Variants in PDZRN4 observed in about 807,000 individuals in gnomAD.
PDZRN4 encodes PDZ domain containing ring finger 4.
A neutral mutation model predicts 99.0 loss-of-function variants in PDZRN4; 70 were observed. That is an observed-to-expected ratio of 0.71 (90% CI 0.58 to 0.86). PDZRN4 has a LOEUF of 0.86. Among genes scored for constraint, PDZRN4 ranks in the 40% least tolerant of loss-of-function variants. PDZRN4 has a pLI of 0.00. For missense variants in PDZRN4, 1,474 were observed against 1,331.2 expected (o/e 1.11, Z -1.67); for synonymous variants, 551 against 501.6 (o/e 1.10, Z -1.32).
chr12:41,394,828 A>G (rs1323757034), intron 3 of PDZRN4, among the ~76,000 whole-genome samples: 1 of 151,274 alleles, frequency 6.6e-6, no homozygotes, highest in Non-Finnish European at 1.5e-5. Context: ...GAGAGAGAGA[A>G]AGAGAGGGCG....
chr12:41,408,816 G>A (rs372381752), intron 3 of PDZRN4, among the ~76,000 whole-genome samples: 10 of 142,852 alleles, frequency 7.0e-5, no homozygotes, highest in African/African-American at 2.1e-4. Context: ...TCTCTCTTGC[G>A]CTCTCTCTCT....
intron 3 of PDZRN4, among the ~76,000 whole-genome samples, chr12:41,482,916 A>T (rs1182142775): frequency 6.6e-6 from 1 of 152,048 alleles, no homozygotes; most frequent in African/African-American, 2.4e-5. Context: ...CCCAGGATCA[A>T]CCCTCAGTGT....
Position 41,452,417 on chromosome 12 carries a change from C to T in PDZRN4, c.844-54039C>T, listed in dbSNP as rs1277514291. On this transcript the variant is annotated intron_variant, in intron 3 of 9. Coordinates refer to ENST00000402685, the MANE Select transcript of PDZRN4 (RefSeq NM_001164595.2). Reference sequence around the variant, plus strand: ...TTGCACCACTGCACTCCAGCCTGGGCGACAAAGTGAGCCTCCGTCTAAAAA... The same window carrying T: ...TTGCACCACTGCACTCCAGCCTGGGTGACAAAGTGAGCCTCCGTCTAAAAA... 2.1e-5 allele frequency among the ~76,000 whole-genome samples: 3 copies of T among 141,078 alleles called. No homozygotes were observed. In the Admixed American group the frequency reaches 2.2e-4, roughly 10 times the overall value. 92.6% of individuals were successfully genotyped at this position (141,078 alleles called of 152,430 possible).
intron 3 of PDZRN4, among the ~76,000 whole-genome samples, chr12:41,429,885 A>G (rs144596222): frequency 2.6e-5 from 4 of 152,146 alleles, no homozygotes; most frequent in African/African-American, 7.2e-5. Context: ...ACTGAGCTTT[A>G]CTAGACCACT....
At chr12:41,395,973 C>T (rs1037950877) in intron 3 of PDZRN4, among the ~76,000 whole-genome samples, 5 of 151,964 alleles carry the variant, frequency 3.3e-5, no homozygotes, top group African/African-American at 1.2e-4. Context: ...TCATCATGTA[C>T]CCCACAAAAA....
At chr12:41,542,844 C>T (rs1037435959) in intron 5 of PDZRN4, among the ~76,000 whole-genome samples, 2 of 151,778 alleles carry the variant, frequency 1.3e-5, no homozygotes, top group Non-Finnish European at 2.9e-5. Context: ...CTAATCAATA[C>T]TAAAGATAAA....
rs1950715165 is a variant in PDZRN4, at chr12:41,188,932, A to C, written c.477A>C (p.Gly159=). The change falls in exon 1 of 10, where the codon GGA becomes GGC. Residue 159 remains glycine, a synonymous_variant. Coordinates refer to ENST00000402685, the MANE Select transcript of PDZRN4 (RefSeq NM_001164595.2). ...GCGGCCGCTGGGGCCGCGGGCGGGG[A>C]CCCGGGCCTCGGGTCCTCGCCTGGA... is the stretch of plus-strand genomic sequence containing the variant. ...PPGGRWGRGR[G]PGPRVLAWRR... is the part of the protein sequence containing the mutation. The C allele has an allele frequency of 3.0e-4, 354 of 1,187,540 alleles. No individual in the cohort carries two copies. The highest frequency in any genetic ancestry group is 6.0e-4 in the East Asian group (16 of 26,720). The allele number at this position is 1,187,540 out of a possible 1,614,324, so 73.6% of individuals were successfully genotyped here.
intron 3 of PDZRN4, among the ~76,000 whole-genome samples, chr12:41,352,794 A>G (rs370425415): frequency 1.1e-3 from 160 of 152,272 alleles, no homozygotes; most frequent in African/African-American, 3.8e-3. Context: ...GATAGGTGTG[A>G]GCATTGATAC....
At chr12:41,277,846 G>A (rs12314080) in intron 3 of PDZRN4, among the ~76,000 whole-genome samples, 25,708 of 152,180 alleles carry the variant, frequency 0.17, 3,230 homozygotes, top group African/African-American at 0.35. Context: ...CAGAGGTTCC[G>A]TATGGATAAA....
intron 3 of PDZRN4, among the ~76,000 whole-genome samples, chr12:41,295,474 G>A (rs1435890058): frequency 6.6e-6 from 1 of 151,682 alleles, no homozygotes; most frequent in Non-Finnish European, 1.5e-5. Flanking sequence ...AAGGTAATTA[G>A]GAAAGTCAGA....
intron 3 of PDZRN4, among the ~76,000 whole-genome samples, chr12:41,261,359 T>C (rs898194080): frequency 2.6e-5 from 4 of 152,238 alleles, no homozygotes; most frequent in African/African-American, 9.6e-5. Flanking sequence ...GGATTATTTG[T>C]TAGAAATCTA....
intron 3 of PDZRN4, among the ~76,000 whole-genome samples, chr12:41,273,319 TATGCTGGC>T: frequency 6.6e-6 from 1 of 152,202 alleles, no homozygotes; most frequent in African/African-American, 2.4e-5. Flanking sequence ...CATAAGACAG[TATGCTGGC>T]AAGCGCAAGA....
chr12:41,210,169 C>T (rs1479838885), intron 3 of PDZRN4, among the ~76,000 whole-genome samples: 10 of 145,110 alleles, frequency 6.9e-5, no homozygotes, highest in Non-Finnish European at 1.4e-4. Context: ...CTGTTCATAT[C>T]CTTCACCCAC....
chr12:41,437,104 A>G (rs1178477544), intron 3 of PDZRN4, among the ~76,000 whole-genome samples: 1 of 152,162 alleles, frequency 6.6e-6, no homozygotes, highest in Non-Finnish European at 1.5e-5. Context: ...TACTTGCTAA[A>G]TATTCTTTAG....
At chr12:41,288,133 A>G (rs2120901426) in intron 3 of PDZRN4, among the ~76,000 whole-genome samples, 1 of 152,320 alleles carries the variant, frequency 6.6e-6, no homozygotes. Context: ...TGATGGCACA[A>G]AAAAGGCAGT....
In PDZRN4 at chr12:41,516,770, C is replaced by CTT. The variant is rs34600941; in HGVS notation, c.1203+6869_1203+6870dup. Among the ~76,000 whole-genome samples, 29 of 144,028 alleles carry CTT rather than the reference C, an allele frequency of 2.0e-4. 1 individual carries two copies. The highest frequency in any genetic ancestry group is 7.1e-4 in the African/African-American group (28 of 39,382). The allele number at this position is 144,028 out of a possible 152,430, so 94.5% of individuals were successfully genotyped here. ...ATGTATGGCTCATTATGAATAGCAG[C>CTT]TTTTTTTTTTTTTACTTTCGAAAGT... On this transcript the variant is annotated intron_variant, in intron 5 of 9. Transcript: ENST00000402685.
At chr12:41,355,280 G>A (rs1698422043) in intron 3 of PDZRN4, among the ~76,000 whole-genome samples, 1 of 152,012 alleles carries the variant, frequency 6.6e-6, no homozygotes, top group Non-Finnish European at 1.5e-5. Flanking sequence ...AAAGGTCATC[G>A]TTCATATTCC....
intron 3 of PDZRN4, among the ~76,000 whole-genome samples, chr12:41,380,072 C>T (rs995127898): frequency 6.6e-6 from 1 of 151,874 alleles, no homozygotes; most frequent in African/African-American, 2.4e-5. Context: ...TTGATGAATT[C>T]ACCTCTTTAA....
intron 3 of PDZRN4, among the ~76,000 whole-genome samples, chr12:41,488,062 T>C (rs1937809761): frequency 6.6e-6 from 1 of 152,194 alleles, no homozygotes; most frequent in Admixed American, 6.5e-5. Context: ...GAGCACCAAA[T>C]AGTCAAGTAC....
Sources: allele counts gnomAD v4.1 joint callset (sites outside exome capture counted in the v4.1 genomes callset), GRCh38; gene constraint gnomAD v4.1.1; transcripts MANE v1.5; gene names NCBI Gene and HGNC (gene_info 2026-07-23, HGNC 2026-07-21).